Variants in MAP3K19 observed in about 807,000 individuals in gnomAD.
MAP3K19 encodes mitogen-activated protein kinase kinase kinase 19, also known as SPS1/STE20-related protein kinase YSK4.
Under a neutral mutation model 114.4 loss-of-function variants are expected in MAP3K19, and 91 were observed. That is an observed-to-expected ratio of 0.80 (90% CI 0.67 to 0.95). The LOEUF (loss-of-function observed/expected upper bound fraction) is 0.95. MAP3K19 is among the 40% of genes least tolerant of loss of function. The pLI is 0.00. For missense variants in MAP3K19, 1,471 were observed against 1,573.2 expected, an observed-to-expected ratio of 0.94 and a Z score of 1.10; for synonymous variants, 518 against 530.5, an observed-to-expected ratio of 0.98 and a Z score of 0.32.
At chr2:134,979,724 G>C (rs987077392) in intron 12 of MAP3K19, among the ~76,000 whole-genome samples, 2 of 145,470 alleles carry the variant, frequency 1.4e-5, no homozygotes, top group Non-Finnish European at 3.0e-5. Context: ...GAAACCTAAG[G>C]GTTCTCTGCA....
intron 5 of MAP3K19, among the ~76,000 whole-genome samples, chr2:135,005,868 T>G (rs1379520875): frequency 6.6e-6 from 1 of 152,156 alleles, no homozygotes; most frequent in Non-Finnish European, 1.5e-5. Flanking sequence ...AAAGAATCCT[T>G]TGGCCACAGT....
chr2:134,967,615 A>G (rs1203907386), intron 12 of MAP3K19, among the ~76,000 whole-genome samples: 1 of 152,200 alleles, frequency 6.6e-6, no homozygotes, highest in Non-Finnish European at 1.5e-5. Flanking sequence ...CAGTCATAGT[A>G]CCTTCCCTTG....
chr2:135,005,845 G>A (rs1372893563), intron 5 of MAP3K19, among the ~76,000 whole-genome samples: 1 of 152,096 alleles, frequency 6.6e-6, no homozygotes, highest in Non-Finnish European at 1.5e-5. Context: ...ATTCCATCTG[G>A]GTAGGTAACT....
In MAP3K19 at chr2:135,038,596, G is replaced by C. The variant is rs1574058495; in HGVS notation, c.-284+1767C>G. ...AATACAGGCACAGTGGTTCTTGCCT[G>C]TAATCCCAGCACTTTGGGTGGCCAA... is the stretch of plus-strand genomic sequence containing the variant. On this transcript the variant is annotated intron_variant, in intron 2 of 12. Coordinates refer to ENST00000392915, the MANE Select transcript of MAP3K19 (RefSeq NM_025052.5). 2.0e-5 allele frequency among the ~76,000 whole-genome samples: 3 copies of C among 152,010 alleles called. No individual in the cohort carries two copies. In the South Asian group the frequency reaches 6.2e-4, roughly 32 times the overall value.
chr2:134,989,997 G>A (rs1476683021), intron 9 of MAP3K19, among the ~76,000 whole-genome samples: 1 of 151,870 alleles, frequency 6.6e-6, no homozygotes, highest in Non-Finnish European at 1.5e-5. Flanking sequence ...CAGGAGAAAC[G>A]CTTGAACCCA....
At chr2:134,970,622 G>A (rs990150534) in intron 12 of MAP3K19, among the ~76,000 whole-genome samples, 1 of 141,988 alleles carries the variant, frequency 7.0e-6, no homozygotes. Flanking sequence ...TTTTTAGATG[G>A]AGTCTCACTC....
chr2:135,043,921 A>C (rs1688691816), intron 1 of MAP3K19, among the ~76,000 whole-genome samples: 1 of 152,234 alleles, frequency 6.6e-6, no homozygotes, highest in Admixed American at 6.5e-5. Flanking sequence ...TTTCTAATTG[A>C]CATTTATCAT....
chr2:134,969,164 A>T (rs887744747), intron 12 of MAP3K19, among the ~76,000 whole-genome samples: 5 of 147,786 alleles, frequency 3.4e-5, no homozygotes, highest in African/African-American at 1.3e-4. Flanking sequence ...CCCAGCCAAC[A>T]CAGCGAAACC....
rs1350931845 is a variant in MAP3K19, at chr2:134,983,710, T to C, written c.3188A>G (p.Lys1063Arg). 1 of 1,587,502 alleles carries C rather than the reference T, an allele frequency of 6.3e-7. No individual in the cohort carries two copies. Among genetic ancestry groups the C allele is most frequent in the Non-Finnish European group, 8.5e-7 (1 of 1,172,074 alleles). ...LKSEEPILWT[K>R]GEILGKGAYG... ...GGCTCCCTTTCCAAGAATCTCACCC[T>C]TGGTCCATAGGATAGGTTCTTCAGA... The change falls in exon 11 of 13, where the codon AAG becomes AGG. Residue 1063 changes from lysine to arginine, a missense_variant. Physicochemically the swap from Lys to Arg is conservative, Grantham distance 26 (BLOSUM62 2). Transcript: ENST00000392915.
At chr2:135,007,163 T>C (rs1686883732) in intron 5 of MAP3K19, among the ~76,000 whole-genome samples, 1 of 134,420 alleles carries the variant, frequency 7.4e-6, no homozygotes. Flanking sequence ...AGACCCTGTC[T>C]CAAAAAAAAA....
At chr2:134,978,730 T>A (rs558561157) in intron 12 of MAP3K19, among the ~76,000 whole-genome samples, 1 of 152,354 alleles carries the variant, frequency 6.6e-6, no homozygotes, top group Admixed American at 6.5e-5. Context: ...TCTGGAATCC[T>A]TTACAATCCC....
intron 12 of MAP3K19, among the ~76,000 whole-genome samples, chr2:134,967,602 G>A (rs941225444): frequency 1.3e-5 from 2 of 152,210 alleles, no homozygotes; most frequent in African/African-American, 4.8e-5. Flanking sequence ...TTAGAGACAC[G>A]TCCAGTCATA....
rs779065084 is a variant in MAP3K19, at chr2:134,983,138, C to G, written c.3222+538G>C. On this transcript the variant is annotated intron_variant, in intron 11 of 12. Transcript: ENST00000392915. ...AGTCACCCTACTGTGTTATCAAACA[C>G]TAGAACTTATTTCTTCTATCTGACT... 6 of 520,394 alleles carry G rather than the reference C, an allele frequency of 1.2e-5. No homozygotes were observed. In the Admixed American group the frequency reaches 1.2e-4, roughly 10 times the overall value. 32.2% of individuals were successfully genotyped at this position (520,394 alleles called of 1,614,324 possible). A position where few individuals can be genotyped will look rare whatever the true frequency, so the allele number is the denominator to read the frequency against.
intron 2 of MAP3K19, among the ~76,000 whole-genome samples, chr2:135,035,597 T>C (rs900125864): frequency 7.2e-5 from 11 of 152,204 alleles, no homozygotes; most frequent in Non-Finnish European, 1.3e-4. Context: ...CTAAAATCAA[T>C]TGTGAGGATT....
At chr2:135,042,078 A>G (rs915309423) in intron 1 of MAP3K19, among the ~76,000 whole-genome samples, 1 of 152,232 alleles carries the variant, frequency 6.6e-6, no homozygotes, top group Non-Finnish European at 1.5e-5. Context: ...CCCAATAAAC[A>G]TAACACAAAA....
At chr2:134,996,309 C>T (rs935007063) in intron 8 of MAP3K19, among the ~76,000 whole-genome samples, 6 of 149,826 alleles carry the variant, frequency 4.0e-5, no homozygotes, top group East Asian at 2.0e-4. Flanking sequence ...TCAAGTGATC[C>T]GCCCATCTTG....
At chr2:135,026,971 A>G (rs1438399770) in intron 3 of MAP3K19, among the ~76,000 whole-genome samples, 2 of 152,214 alleles carry the variant, frequency 1.3e-5, no homozygotes. Flanking sequence ...TTTGGCATAT[A>G]TAGTAGAAAA....
intron 1 of MAP3K19, among the ~76,000 whole-genome samples, chr2:135,042,431 G>A (rs1317780263): frequency 6.6e-6 from 1 of 151,474 alleles, no homozygotes; most frequent in East Asian, 1.9e-4. Flanking sequence ...GAACCCAGGA[G>A]GCGGAGCTTG....
chr2:135,000,703 T>C (rs1686377933), intron 6 of MAP3K19, among the ~76,000 whole-genome samples: 1 of 152,172 alleles, frequency 6.6e-6, no homozygotes, highest in Non-Finnish European at 1.5e-5. Context: ...AAGAATGCAG[T>C]GAGATAAGCA....
Sources: gnomAD v4.1 joint callset for allele counts (sites outside exome capture counted in the v4.1 genomes callset) on GRCh38, gnomAD v4.1.1 for gene constraint, MANE v1.5 for transcripts, NCBI Gene and HGNC (gene_info 2026-07-23, HGNC 2026-07-21) for gene names.